Variants in FADD observed in about 807,000 individuals in gnomAD.
FADD encodes FAS-associated death domain protein.
A neutral mutation model predicts 5.8 loss-of-function variants in FADD; 3 were observed. That is an observed-to-expected ratio of 0.52 (90% CI 0.24 to 1.34). FADD has a LOEUF of 1.34. Ranked by LOEUF, FADD falls within the 40% of genes most tolerant of loss-of-function variation. The pLI is 0.17. For missense variants in FADD, 249 were observed against 286.7 expected, an observed-to-expected ratio of 0.87 and a Z score of 0.95; for synonymous variants, 138 against 130.8, an observed-to-expected ratio of 1.06 and a Z score of -0.38.
At chr11:70,205,039 A>G (rs1469103206) in intron 1 of FADD, among the ~76,000 whole-genome samples, 2 of 152,220 alleles carry the variant, frequency 1.3e-5, no homozygotes, top group Non-Finnish European at 2.9e-5. Context: ...GCCATCGTCT[A>G]GCTACACGAT....
At position 70,207,365 on chromosome 11, in the gene FADD, C is replaced by T. The variant is rs1294573668; in HGVS notation, c.*892C>T. 1 of 152,114 alleles carries T rather than the reference C, an allele frequency of 6.6e-6. No individual in the cohort carries two copies. Among genetic ancestry groups the T allele is most frequent in the Admixed American group, 6.6e-5 (1 of 15,256 alleles). 9.4% of individuals were successfully genotyped at this position (152,114 alleles called of 1,614,324 possible). On this transcript the variant is annotated 3_prime_UTR_variant, in exon 2 of 2. Coordinates refer to ENST00000301838, the MANE Select transcript of FADD (RefSeq NM_003824.4). ...CTAAGGTAATCCTATTAAAACACAG[C>T]TTTACAACTTCCATACTACAAAAAA...
At chr11:70,205,987 C>T in intron 1 of FADD, 146 bp from the exon 2 acceptor site, 1 of 738,414 alleles carries the variant, frequency 1.4e-6, no homozygotes, top group Non-Finnish European at 2.4e-6. Flanking sequence ...CCTTTGCTGC[C>T]AGGCGACTCT....
intron 1 of FADD, among the ~76,000 whole-genome samples, chr11:70,205,485 C>G (rs958210674): frequency 6.6e-6 from 1 of 152,140 alleles, no homozygotes; most frequent in African/African-American, 2.4e-5. Flanking sequence ...TGCCACAGAC[C>G]GGCACACCCT....
At chr11:70,204,613 A>T (rs2049445926) in intron 1 of FADD, among the ~76,000 whole-genome samples, 1 of 152,092 alleles carries the variant, frequency 6.6e-6, no homozygotes, top group Non-Finnish European at 1.5e-5. Context: ...TAGGGCCTAA[A>T]TGTGTCACCA....
intron 1 of FADD, among the ~76,000 whole-genome samples, chr11:70,204,428 C>T (rs1282542748): frequency 1.3e-5 from 2 of 152,222 alleles, no homozygotes; most frequent in Non-Finnish European, 2.9e-5. Flanking sequence ...CCTCTCCACC[C>T]TCGCCTGTGG....
Position 70,206,200 on chromosome 11 carries a change from G to A in FADD, c.354G>A (p.Gln118=). The A allele has an allele frequency of 6.2e-7, 1 of 1,614,160 alleles. No homozygotes were observed. Residue 118 remains glutamine (Q), a synonymous_variant, in exon 2 of 2, where the codon CAG becomes CAA. Coordinates refer to ENST00000301838, the MANE Select transcript of FADD (RefSeq NM_003824.4). ...AAGATTGGAGAAGGCTGGCTCGTCA[G>A]CTCAAAGTCTCAGACACCAAGATCG... ...VGKDWRRLAR[Q]LKVSDTKIDS...
At chr11:70,205,776 G>A (rs1308541892) in intron 1 of FADD, among the ~76,000 whole-genome samples, 1 of 152,232 alleles carries the variant, frequency 6.6e-6, no homozygotes, top group Non-Finnish European at 1.5e-5. Flanking sequence ...CTGTAGGGCA[G>A]GATGTGGGAT....
intron 1 of FADD, among the ~76,000 whole-genome samples, chr11:70,203,963 C>T (rs945164514): frequency 2.0e-5 from 3 of 152,202 alleles, no homozygotes; most frequent in African/African-American, 7.2e-5. Context: ...GTCCTTTTTC[C>T]TCCACCCACT....
chr11:70,203,999 A>C (rs2049441633), intron 1 of FADD, among the ~76,000 whole-genome samples: 1 of 152,212 alleles, frequency 6.6e-6, no homozygotes, highest in African/African-American at 2.4e-5. Context: ...TAGAAAACTC[A>C]CTGAAGAAAA....
chr11:70,205,656 TCTC>T lies in FADD; in HGVS notation c.287-473_287-471del, dbSNP rs41268235. ...GGTGCATCCAGGTCATCCAGGATGA[TCTC>T]CTCTCAAGACCCTCAGCTTACCTTT... On this transcript the variant is annotated intron_variant, in intron 1 of 1. Transcript: ENST00000301838. Among the ~76,000 whole-genome samples, 24 of 152,202 alleles carry T rather than the reference TCTC, an allele frequency of 1.6e-4. No individual in the cohort carries two copies. The East Asian group carries it at 2.1e-3, about 13-fold the overall frequency.
In FADD at chr11:70,206,374, G is replaced by A; in HGVS notation, c.528G>A (p.Leu176=). The part of the protein sequence containing the change: ...RSCQMNLVAD[L]VQEVQQARDL... ...GCCAGATGAACCTGGTGGCTGACCTGGTACAAGAGGTTCAGCAGGCCCGTG... is the reference window on the plus strand; with the variant it reads ...GCCAGATGAACCTGGTGGCTGACCTAGTACAAGAGGTTCAGCAGGCCCGTG... The change falls in exon 2 of 2, where the codon CTG becomes CTA. Residue 176 remains leucine (L), a synonymous_variant. Coordinates refer to ENST00000301838, the MANE Select transcript of FADD (RefSeq NM_003824.4). 6.2e-7 allele frequency: 1 copy of A among 1,614,152 alleles called. No homozygotes were observed. The highest frequency in any genetic ancestry group is 1.1e-5 in the South Asian group (1 of 91,084).
chr11:70,206,064 C>G, intron 1 of FADD, 69 bp from the exon 2 acceptor site: 1 of 1,364,576 alleles, frequency 7.3e-7, no homozygotes, highest in Non-Finnish European at 1.0e-6. Context: ...TGCTGAAAAG[C>G]CCTAGGGAGG....
Position 70,206,588 on chromosome 11 carries a change from G to A in FADD, c.*115G>A. On this transcript the variant is annotated 3_prime_UTR_variant, in exon 2 of 2. Transcript: ENST00000301838. ...CCCAGCAGGAAGCCAGGCTGAGTGA[G>A]CCACAGACCACCTGCTTCTGAACTC... 1 of 933,902 alleles carries A rather than the reference G, an allele frequency of 1.1e-6. No homozygotes were observed. Among genetic ancestry groups the A allele is most frequent in the East Asian group, 2.6e-5 (1 of 38,224 alleles). The allele number at this position is 933,902 out of a possible 1,614,324, so 57.9% of individuals were successfully genotyped here.
chr11:70,205,790 C>G (rs765269272), intron 1 of FADD, among the ~76,000 whole-genome samples: 2 of 152,200 alleles, frequency 1.3e-5, no homozygotes, highest in Non-Finnish European at 2.9e-5. Flanking sequence ...GTGGGATCAA[C>G]CCTATTTTCT....
At chr11:70,205,151 G>A (rs2049450077) in intron 1 of FADD, among the ~76,000 whole-genome samples, 1 of 152,188 alleles carries the variant, frequency 6.6e-6, no homozygotes, top group Non-Finnish European at 1.5e-5. Context: ...TGCGGGAGCT[G>A]GTACACCTGC....
At position 70,203,915 on chromosome 11, in the gene FADD, G is replaced by A. The variant is rs115595467; in HGVS notation, c.286+170G>A. 2.3e-3 allele frequency among the ~76,000 whole-genome samples: 347 copies of A among 152,354 alleles called. 4 individuals are homozygous for A. The highest frequency in any genetic ancestry group is 7.9e-3 in the African/African-American group (328 of 41,588). On this transcript the variant is annotated intron_variant, in intron 1 of 1. Transcript: ENST00000301838. ...ATGGGAGAGCCAGAAACGCAGAAAA[G>A]TTAACTTATTCGAGGTTGCAGGGCG...
chr11:70,206,119 T>G lies in FADD; in HGVS notation c.287-14T>G. 2.5e-6 allele frequency: 4 copies of G among 1,610,898 alleles called. No homozygotes were observed. Among genetic ancestry groups the G allele is most frequent in the Non-Finnish European group, 3.4e-6 (4 of 1,177,600 alleles). ...CCAAACCTATGGTAAACCGTTCTGT[T>G]CTTTCCTTCCCAGACCTGTGTGCAG... On this transcript the variant is annotated splice_polypyrimidine_tract_variant and intron_variant, in intron 1 of 1. Transcript: ENST00000301838.
Position 70,203,407 on chromosome 11 carries a change from C to G in FADD, c.-53C>G. The G allele has an allele frequency of 6.5e-7, 1 of 1,547,746 alleles. No individual in the cohort carries two copies. The highest frequency in any genetic ancestry group is 1.2e-5 in the South Asian group (1 of 83,874). On this transcript the variant is annotated 5_prime_UTR_variant, in exon 1 of 2. Transcript: ENST00000301838. ...CTGGCCAGGGCCAGCGAGCCGAGGA[C>G]AGAGGGCGCACGGAGGGCCGGGCCG...
Position 70,207,353 on chromosome 11 carries a change from A to G in FADD, c.*880A>G, listed in dbSNP as rs2049470993. On this transcript the variant is annotated 3_prime_UTR_variant, in exon 2 of 2. Coordinates refer to ENST00000301838, the MANE Select transcript of FADD (RefSeq NM_003824.4). ...GTCCTCTTATTCCTAAGGTAATCCTATTAAAACACAGCTTTACAACTTCCA... is the reference window on the plus strand; with the variant it reads ...GTCCTCTTATTCCTAAGGTAATCCTGTTAAAACACAGCTTTACAACTTCCA... 6.6e-6 allele frequency: 1 copy of G among 152,172 alleles called. No homozygotes were observed. 9.4% of individuals were successfully genotyped at this position (152,172 alleles called of 1,614,324 possible).
Sources: allele counts gnomAD v4.1 joint callset (sites outside exome capture counted in the v4.1 genomes callset), GRCh38; gene constraint gnomAD v4.1.1; transcripts MANE v1.5; gene names NCBI Gene and HGNC (gene_info 2026-07-23, HGNC 2026-07-21).